SIAH3: variants seen among roughly 807,000 people sequenced by gnomAD.
The protein encoded by SIAH3 is seven in absentia homolog 3.
SIAH3 carries 9 observed loss-of-function variants against 12.6 expected under a neutral mutation model. The ratio of observed to expected loss-of-function variants is 0.72; its 90% CI spans 0.43 to 1.25. SIAH3 has a LOEUF of 1.25. SIAH3 is among the 50% of genes most tolerant of loss of function. The pLI is 0.00. For missense variants in SIAH3, 390 were observed against 365.4 expected, an observed-to-expected ratio of 1.07 and a Z score of -0.55; for synonymous variants, 154 against 151.1, an observed-to-expected ratio of 1.02 and a Z score of -0.14.
At chr13:45,817,996 ATGCCTTCCTAC>A (rs1380764732) in intron 1 of SIAH3, among the ~76,000 whole-genome samples, 1 of 152,140 alleles carries the variant, frequency 6.6e-6, no homozygotes, top group Non-Finnish European at 1.5e-5. Flanking sequence ...GTATTCACTG[ATGCCTTCCTAC>A]TGCAAGTTCC....
chr13:45,777,282 T>A lies in SIAH3; in HGVS notation c.*6101A>T, dbSNP rs970768828. On this transcript the variant is annotated 3_prime_UTR_variant, in exon 2 of 2. Coordinates refer to ENST00000400405, the MANE Select transcript of SIAH3 (RefSeq NM_198849.3). ...TCAAATGCAATTTAATGACATTTTCTATGAGAGGGCAGAGATGAAGTAGCA... is the reference window on the plus strand; with the variant it reads ...TCAAATGCAATTTAATGACATTTTCAATGAGAGGGCAGAGATGAAGTAGCA... 2 of 152,212 alleles carry A rather than the reference T, an allele frequency of 1.3e-5. No individual in the cohort carries two copies. The highest frequency in any genetic ancestry group is 4.8e-5 in the African/African-American group (2 of 41,440). The allele number at this position is 152,212 out of a possible 1,614,324, so 9.4% of individuals were successfully genotyped here. A position where few individuals can be genotyped will look rare whatever the true frequency, so the allele number is the denominator to read the frequency against.
At chr13:45,844,753 A>G (rs1163587189) in intron 1 of SIAH3, among the ~76,000 whole-genome samples, 1 of 152,236 alleles carries the variant, frequency 6.6e-6, no homozygotes. Context: ...CTTACAACAC[A>G]TTGGAAGAGA....
chr13:45,783,500 G>T lies in SIAH3; in HGVS notation c.693C>A (p.Asp231Glu), dbSNP rs1252255683. The T allele has an allele frequency of 1.9e-6, 3 of 1,614,084 alleles. No individual in the cohort carries two copies. In the East Asian group the frequency reaches 6.7e-5, roughly 36 times the overall value. ...VLECVDSVIT[D>E]GDCLVLNTSL... ...AGGTGTTGAGGACGAGGCAGTCCCC[G>T]TCCGTAATCACCGAGTCCACGCACT... Residue 231 changes from aspartate (D) to glutamate (E), a missense_variant, in exon 2 of 2, where the codon GAC becomes GAA. Coordinates refer to ENST00000400405, the MANE Select transcript of SIAH3 (RefSeq NM_198849.3).
intron 1 of SIAH3, among the ~76,000 whole-genome samples, chr13:45,821,078 C>T (rs1001966029): frequency 4.6e-5 from 7 of 152,204 alleles, no homozygotes; most frequent in African/African-American, 9.7e-5. Flanking sequence ...AACCTGCAGA[C>T]GTGACCTTAT....
At position 45,780,190 on chromosome 13, in the gene SIAH3, C is replaced by T. The variant is rs1950498570; in HGVS notation, c.*3193G>A. ...AAACCTGGGTGTGGGCAAAGGGATT[C>T]AGAAAGGGCCTGGCGCACTGAAGCC... is the stretch of plus-strand genomic sequence containing the variant. On this transcript the variant is annotated 3_prime_UTR_variant, in exon 2 of 2. Transcript: ENST00000400405. 6.6e-6 allele frequency: 1 copy of T among 152,158 alleles called. No individual in the cohort carries two copies. The highest frequency in any genetic ancestry group is 1.5e-5 in the Non-Finnish European group (1 of 68,074). 9.4% of individuals were successfully genotyped at this position (152,158 alleles called of 1,614,324 possible).
chr13:45,784,127 T>C, intron 1 of SIAH3, 70 bp from the exon 2 acceptor site: 2 of 1,412,152 alleles, frequency 1.4e-6, no homozygotes, highest in Admixed American at 2.2e-5. Context: ...TCCCCTGATG[T>C]TCAAAGTGTT....
chr13:45,843,073 T>C (rs2137584410), intron 1 of SIAH3, among the ~76,000 whole-genome samples: 1 of 151,424 alleles, frequency 6.6e-6, no homozygotes, highest in African/African-American at 2.4e-5. Context: ...GAAACTCAGG[T>C]TGGAGTGTAG....
chr13:45,846,928 G>A (rs1451020995), intron 1 of SIAH3, among the ~76,000 whole-genome samples: 1 of 152,218 alleles, frequency 6.6e-6, no homozygotes, highest in African/African-American at 2.4e-5. Context: ...AAAGCCGCAC[G>A]AATGCTCTGA....
At chr13:45,843,597 A>G (rs1358078423) in intron 1 of SIAH3, among the ~76,000 whole-genome samples, 1 of 152,210 alleles carries the variant, frequency 6.6e-6, no homozygotes, top group South Asian at 2.1e-4. Context: ...CCTGTCTTCC[A>G]GGCTCAGAGC....
intron 1 of SIAH3, among the ~76,000 whole-genome samples, chr13:45,824,272 G>A (rs770749599): frequency 6.6e-6 from 1 of 152,158 alleles, no homozygotes; most frequent in African/African-American, 2.4e-5. Context: ...GTCCCACAAC[G>A]CCACATCGAA....
At position 45,814,238 on chromosome 13, in the gene SIAH3, C is replaced by CAAA. The variant is rs56377017; in HGVS notation, c.136-30184_136-30182dup. On this transcript the variant is annotated intron_variant, in intron 1 of 1. Transcript: ENST00000400405. ...TGGGTGACTGAGCAAGACTCTGTCT[C>CAAA]AAAAAAAAAAAAAAAAAAAAAAATA... is the stretch of plus-strand genomic sequence containing the variant. Among the ~76,000 whole-genome samples the CAAA allele has an allele frequency of 5.7e-3, 414 of 72,528 alleles. 10 individuals carry two copies. Among genetic ancestry groups the CAAA allele is most frequent in the African/African-American group, 0.02 (324 of 15,972 alleles). 47.6% of individuals were successfully genotyped at this position (72,528 alleles called of 152,430 possible).
At chr13:45,819,643 C>T (rs545936457) in intron 1 of SIAH3, among the ~76,000 whole-genome samples, 37 of 152,284 alleles carry the variant, frequency 2.4e-4, no homozygotes, top group African/African-American at 8.2e-4. Flanking sequence ...CTTCTGATTG[C>T]TCTGTGCTTA....
rs145395261 is a variant in SIAH3, at chr13:45,838,446, C to T, written c.135+13049G>A. Among the ~76,000 whole-genome samples the T allele has an allele frequency of 2.9e-3, 445 of 152,264 alleles. 2 individuals are homozygous for T. The highest frequency in any genetic ancestry group is 0.01 in the African/African-American group (433 of 41,558). ...CACTTTGGCTTCAATGAGGCAGCTTCTTGATGTGCTCATCAGCCCTCCTGC... is the reference window on the plus strand; with the variant it reads ...CACTTTGGCTTCAATGAGGCAGCTTTTTGATGTGCTCATCAGCCCTCCTGC... On this transcript the variant is annotated intron_variant, in intron 1 of 1. Transcript: ENST00000400405.
chr13:45,808,939 A>G (rs1320315478), intron 1 of SIAH3, among the ~76,000 whole-genome samples: 1 of 152,264 alleles, frequency 6.6e-6, no homozygotes, highest in East Asian at 1.9e-4. Context: ...GATAAGGCAA[A>G]GTAAACCTAA....
At chr13:45,827,380 C>T (rs1190136548) in intron 1 of SIAH3, among the ~76,000 whole-genome samples, 1 of 152,194 alleles carries the variant, frequency 6.6e-6, no homozygotes, top group Non-Finnish European at 1.5e-5. Context: ...CTGAACTATG[C>T]TAGAAACCAT....
At chr13:45,837,011 G>A (rs926300867) in intron 1 of SIAH3, among the ~76,000 whole-genome samples, 3 of 152,254 alleles carry the variant, frequency 2.0e-5, no homozygotes, top group South Asian at 4.2e-4. Flanking sequence ...GACATCTGCC[G>A]CCCTAGTGCC....
At chr13:45,835,024 A>G (rs1292193695) in intron 1 of SIAH3, among the ~76,000 whole-genome samples, 3 of 152,190 alleles carry the variant, frequency 2.0e-5, no homozygotes, top group South Asian at 4.1e-4. Context: ...GGCCCTTTTC[A>G]TGTTCTTTTG....
chr13:45,799,904 A>T (rs1273530917), intron 1 of SIAH3, among the ~76,000 whole-genome samples: 6 of 152,198 alleles, frequency 3.9e-5, no homozygotes, highest in African/African-American at 1.4e-4. Flanking sequence ...CTGGGGGGAA[A>T]ATGTATGTAA....
At chr13:45,809,747 A>G (rs1234686636) in intron 1 of SIAH3, among the ~76,000 whole-genome samples, 3 of 152,254 alleles carry the variant, frequency 2.0e-5, no homozygotes, top group Non-Finnish European at 4.4e-5. Context: ...AAAGAACCAG[A>G]TAATTGTGGT....
Sources: gnomAD v4.1 joint callset for allele counts (sites outside exome capture counted in the v4.1 genomes callset) on GRCh38, gnomAD v4.1.1 for gene constraint, MANE v1.5 for transcripts, NCBI Gene and HGNC (gene_info 2026-07-23, HGNC 2026-07-21) for gene names.